Variants in FRK observed in about 807,000 individuals in gnomAD.
The protein encoded by FRK is tyrosine-protein kinase FRK.
A neutral mutation model predicts 56.4 loss-of-function variants in FRK; 51 were observed. The ratio of observed to expected loss-of-function variants is 0.90; its 90% CI spans 0.72 to 1.14. FRK has a LOEUF of 1.14. Ranked by LOEUF, FRK falls within the 50% of genes most tolerant of loss-of-function variation. The pLI, the probability that FRK is intolerant of heterozygous loss-of-function variation, is 0.00. For synonymous variants in FRK, 245 were observed against 217.9 expected (o/e 1.12, Z -1.10); for missense variants, 570 against 601.4 (o/e 0.95, Z 0.55).
At chr6:116,004,043 A>AT (rs1383952720) in intron 1 of FRK, 45 bp from the exon 2 acceptor site, 1 of 1,566,194 alleles carries the variant, frequency 6.4e-7, no homozygotes, top group African/African-American at 1.4e-5. Flanking sequence ...ATTAACATTC[A>AT]TTTTTTAAGG....
intron 1 of FRK, among the ~76,000 whole-genome samples, chr6:116,009,457 T>A (rs989084383): frequency 6.6e-6 from 1 of 152,198 alleles, no homozygotes; most frequent in African/African-American, 2.4e-5. Context: ...GTAAACCAAT[T>A]AGAAATTTGT....
At chr6:115,993,883 C>A (rs1285051269) in intron 2 of FRK, among the ~76,000 whole-genome samples, 1 of 151,934 alleles carries the variant, frequency 6.6e-6, no homozygotes, top group Non-Finnish European at 1.5e-5. Context: ...CCTTTTCATG[C>A]TGCTTTTTAT....
intron 1 of FRK, among the ~76,000 whole-genome samples, chr6:116,038,444 A>C (rs1776569478): frequency 6.6e-6 from 1 of 152,180 alleles, no homozygotes; most frequent in African/African-American, 2.4e-5. Flanking sequence ...GAGTGTGAGA[A>C]GGAAGAAAAT....
chr6:116,016,873 G>A (rs891549575), intron 1 of FRK, among the ~76,000 whole-genome samples: 1 of 152,052 alleles, frequency 6.6e-6, no homozygotes, highest in African/African-American at 2.4e-5. Context: ...GCCACCCACT[G>A]GACTTTGAAA....
At chr6:116,056,244 T>C (rs1211031212) in intron 1 of FRK, among the ~76,000 whole-genome samples, 8 of 151,060 alleles carry the variant, frequency 5.3e-5, no homozygotes, top group Admixed American at 3.3e-4. Flanking sequence ...AGATAGGGTC[T>C]GGCTCTGTCA....
intron 1 of FRK, among the ~76,000 whole-genome samples, chr6:116,047,525 C>A (rs112272050): frequency 3.4e-4 from 1 of 2,946 alleles, no homozygotes; most frequent in Non-Finnish European, 6.4e-4. Flanking sequence ...GGTATTACAA[C>A]CATGTGCCAC....
chr6:115,983,919 A>T (rs1441948367), intron 2 of FRK, among the ~76,000 whole-genome samples: 1 of 152,152 alleles, frequency 6.6e-6, no homozygotes, highest in East Asian at 1.9e-4. Flanking sequence ...CCATAACAGA[A>T]TTCTCCACTG....
chr6:116,023,271 G>C (rs187041921), intron 1 of FRK, among the ~76,000 whole-genome samples: 1 of 152,274 alleles, frequency 6.6e-6, no homozygotes, highest in East Asian at 1.9e-4. Context: ...CTATGATGCA[G>C]CAATTCCACT....
At chr6:116,010,900 G>A (rs1276895683) in intron 1 of FRK, among the ~76,000 whole-genome samples, 1 of 152,148 alleles carries the variant, frequency 6.6e-6, no homozygotes, top group African/African-American at 2.4e-5. Flanking sequence ...GAATATGTGA[G>A]CATGACCTTA....
At chr6:115,970,875 C>A (rs1773784239) in intron 2 of FRK, among the ~76,000 whole-genome samples, 4 of 152,074 alleles carry the variant, frequency 2.6e-5, no homozygotes, top group African/African-American at 9.7e-5. Flanking sequence ...ATCGATTGTG[C>A]CACTATACTC....
chr6:116,078,547 C>A, the FRK span, among the ~76,000 whole-genome samples: 3 of 152,142 alleles, frequency 2.0e-5, no homozygotes, highest in Non-Finnish European at 2.9e-5. Context: ...TCTCAAAACA[C>A]CCCATGTGAA....
Position 115,968,658 on chromosome 6 carries a change from AAGATT to A in FRK, c.543_547del (p.Arg181SerfsTer16), listed in dbSNP as rs760546159. ...GCTCACAAATTCGTTCAGTGTTGAA[AAGATT>A]CTTCTTCGCGTGAGAAAAAATCCCC... is the stretch of plus-strand genomic sequence containing the variant. On this transcript the variant is annotated frameshift_variant, in exon 3 of 8. Transcript: ENST00000606080. LOFTEE classifies it high-confidence loss of function. The A allele has an allele frequency of 6.2e-6, 10 of 1,613,786 alleles. No homozygotes were observed. Among genetic ancestry groups the A allele is most frequent in the Non-Finnish European group, 8.5e-6 (10 of 1,179,862 alleles).
intron 1 of FRK, among the ~76,000 whole-genome samples, chr6:116,027,380 T>C (rs961305931): frequency 1.3e-5 from 2 of 152,184 alleles, no homozygotes; most frequent in Non-Finnish European, 2.9e-5. Flanking sequence ...CATCAAGTCA[T>C]AGAATTTAAG....
intron 4 of FRK, among the ~76,000 whole-genome samples, chr6:115,956,831 C>A (rs1195570644): frequency 6.6e-6 from 1 of 151,922 alleles, no homozygotes. Flanking sequence ...TATGTTATGA[C>A]CTGTAGGTGA....
chr6:116,038,856 C>T (rs1226329011), intron 1 of FRK: 3 of 538,970 alleles, frequency 5.6e-6, no homozygotes, highest in Non-Finnish European at 1.1e-5. Context: ...GCCAAGGTGC[C>T]GGCCAACACT....
chr6:115,992,878 A>G (rs1480270525), intron 2 of FRK, among the ~76,000 whole-genome samples: 1 of 151,872 alleles, frequency 6.6e-6, no homozygotes, highest in African/African-American at 2.4e-5. Context: ...TGACTCTTCT[A>G]AATAAAAGAG....
intron 4 of FRK, 77 bp from the exon 5 acceptor site, chr6:115,956,687 C>G: frequency 2.6e-6 from 3 of 1,159,506 alleles, no homozygotes; most frequent in Non-Finnish European, 3.6e-6. Context: ...TGGGAATCAT[C>G]AAGATTGCCT....
intron 1 of FRK, among the ~76,000 whole-genome samples, chr6:116,005,106 G>T (rs1775202372): frequency 6.6e-6 from 1 of 152,152 alleles, no homozygotes. Context: ...GCAGTTGGGG[G>T]AAGGAATTGA....
intron 5 of FRK, among the ~76,000 whole-genome samples, 169 bp from the exon 6 acceptor site, chr6:115,944,594 A>C (rs962270969): frequency 6.6e-6 from 1 of 152,182 alleles, no homozygotes; most frequent in African/African-American, 2.4e-5. Flanking sequence ...ATTTGCTGTG[A>C]AAGGTTAATA....
Sources: allele counts gnomAD v4.1 joint callset (sites outside exome capture counted in the v4.1 genomes callset), GRCh38; gene constraint gnomAD v4.1.1; transcripts MANE v1.5; gene names NCBI Gene and HGNC (gene_info 2026-07-23, HGNC 2026-07-21).